Variants in NEK10 observed in about 807,000 individuals in gnomAD.
NEK10 encodes NIMA related kinase 10, also known as serine/threonine-protein kinase Nek10.
In NEK10, 122 loss-of-function variants were observed where a neutral mutation model predicts 159.8. The observed-to-expected ratio is 0.76, with a 90% CI of 0.66 to 0.89. The LOEUF (loss-of-function observed/expected upper bound fraction) is 0.89, where lower values mean the gene tolerates loss of function less well. Ranked by LOEUF, NEK10 falls within the 40% of genes least tolerant of loss-of-function variation. NEK10 has a pLI of 0.00. For synonymous variants in NEK10, 466 were observed against 457.1 expected (o/e 1.02, Z -0.25); for missense variants, 1,342 against 1,323.1 (o/e 1.01, Z -0.22).
chr3:27,185,259 T>C (rs1473455412), intron 26 of NEK10, among the ~76,000 whole-genome samples: 1 of 152,216 alleles, frequency 6.6e-6, no homozygotes, highest in African/African-American at 2.4e-5. Context: ...CAAATTATCA[T>C]AGGAATCTTT....
intron 31 of NEK10, among the ~76,000 whole-genome samples, chr3:27,133,444 A>G (rs2125529717): frequency 6.6e-6 from 1 of 152,358 alleles, no homozygotes; most frequent in South Asian, 2.1e-4. Context: ...GTAATTATAT[A>G]AAACAGGAAA....
intron 22 of NEK10, among the ~76,000 whole-genome samples, chr3:27,263,967 T>A (rs967544154): frequency 1.3e-5 from 2 of 152,190 alleles, no homozygotes; most frequent in African/African-American, 4.8e-5. Context: ...ATGTATTATA[T>A]ATAAATACAT....
chr3:27,304,994 G>C (rs373938909), intron 11 of NEK10, 23 bp from the exon 12 acceptor site: 4 of 1,447,140 alleles, frequency 2.8e-6, no homozygotes, highest in Non-Finnish European at 3.9e-6. Context: ...CAGAGGGTGG[G>C]GTGAGAATCA....
At chr3:27,326,480 C>A (rs1365650525) in intron 5 of NEK10, among the ~76,000 whole-genome samples, 2 of 152,188 alleles carry the variant, frequency 1.3e-5, no homozygotes, top group Non-Finnish European at 2.9e-5. Context: ...CATATACAAT[C>A]ATCATGAGGA....
At chr3:27,174,263 C>T in intron 28 of NEK10, 176 bp downstream of exon 28, 1 of 422,252 alleles carries the variant, frequency 2.4e-6, no homozygotes, top group Non-Finnish European at 3.2e-6. Flanking sequence ...AACCACTGTG[C>T]TGGCTAACCT....
At position 27,346,217 on chromosome 3, in the gene NEK10, C is replaced by T; in HGVS notation, c.133-1G>A. ...CACTATCGAAGTTAATGGCTGGAAGCTACAGAAATAGAAGCATAGAGTACA... is the reference window on the plus strand; with the variant it reads ...CACTATCGAAGTTAATGGCTGGAAGTTACAGAAATAGAAGCATAGAGTACA... On this transcript the variant is annotated splice_acceptor_variant, in intron 3 of 35. Transcript: ENST00000691995. LOFTEE classifies it high-confidence loss of function. 6.2e-7 allele frequency: 1 copy of T among 1,613,592 alleles called. No homozygotes were observed. Among genetic ancestry groups the T allele is most frequent in the Non-Finnish European group, 8.5e-7 (1 of 1,179,638 alleles).
In NEK10 at chr3:27,301,574, T is replaced by A. The variant is rs935528397; in HGVS notation, c.1168+122A>T. 8.4e-6 allele frequency: 6 copies of A among 716,606 alleles called. No individual in the cohort carries two copies. The Admixed American group carries it at 1.1e-4, about 13-fold the overall frequency. The allele number at this position is 716,606 out of a possible 1,614,324, so 44.4% of individuals were successfully genotyped here. A position where few individuals can be genotyped will look rare whatever the true frequency, so the allele number is the denominator to read the frequency against. ...GAAGTTTCTGGCATCCATGTGGATT[T>A]CACTTTACATTTTTGTAAACTTCTA... On this transcript the variant is annotated intron_variant, in intron 13 of 35. Coordinates refer to ENST00000691995, the MANE Select transcript of NEK10 (RefSeq NM_001394966.1).
chr3:27,338,903 A>T (rs1045432085), intron 5 of NEK10, among the ~76,000 whole-genome samples: 1 of 152,130 alleles, frequency 6.6e-6, no homozygotes, highest in African/African-American at 2.4e-5. Flanking sequence ...TATGGCTAAG[A>T]CCTCAAAAGC....
chr3:27,195,339 G>C (rs2148998869), intron 25 of NEK10, among the ~76,000 whole-genome samples: 1 of 152,202 alleles, frequency 6.6e-6, no homozygotes, highest in South Asian at 2.1e-4. Flanking sequence ...ATTTGAGTTT[G>C]TTCCCTAATT....
intron 35 of NEK10, 98 bp downstream of exon 35, chr3:27,115,842 A>G: frequency 1.1e-6 from 1 of 870,570 alleles, no homozygotes; most frequent in Non-Finnish European, 1.8e-6. Context: ...ATAAAATCTG[A>G]AAAAAAATCC....
intron 19 of NEK10, among the ~76,000 whole-genome samples, chr3:27,290,073 C>A (rs949745993): frequency 6.6e-6 from 1 of 152,212 alleles, no homozygotes; most frequent in Non-Finnish European, 1.5e-5. Flanking sequence ...AATTCCATTT[C>A]TCTTTGAAAT....
At chr3:27,287,567 A>C (rs1039092476) in intron 20 of NEK10, 131 bp downstream of exon 20, 5 of 878,218 alleles carry the variant, frequency 5.7e-6, no homozygotes, top group Non-Finnish European at 8.3e-6. Flanking sequence ...GCTTAAGACC[A>C]TCTACTGTCA....
intron 22 of NEK10, among the ~76,000 whole-genome samples, chr3:27,258,329 C>T (rs1956432726): frequency 6.6e-6 from 1 of 151,680 alleles, no homozygotes; most frequent in South Asian, 2.1e-4. Flanking sequence ...AGTAACTCGT[C>T]ATTTAACATT....
intron 20 of NEK10, 112 bp from the exon 21 acceptor site, chr3:27,285,073 A>G: frequency 1.3e-6 from 1 of 756,560 alleles, no homozygotes; most frequent in Non-Finnish European, 2.1e-6. Context: ...CACTAACACT[A>G]AAGAATTAGG....
In NEK10 at chr3:27,344,353, T is replaced by A; in HGVS notation, c.281A>T (p.Glu94Val). ...LENFSINYKNERNFSKHPQRK... is the reference protein window; with the variant it reads ...LENFSINYKNVRNFSKHPQRK... ...CTGAGGATGTTTGCTGAAATTTCTC[T>A]CATTCTTGTAGTTTATACTGAGACA... The change falls in exon 5 of 36, where the codon GAG (glutamate) becomes GTG (valine). Residue 94 changes from glutamate (E) to valine (V), a missense_variant. Glu to Val is a moderately radical substitution (Grantham distance 121, BLOSUM62 -2). Coordinates refer to ENST00000691995, the MANE Select transcript of NEK10 (RefSeq NM_001394966.1). 6.3e-7 allele frequency: 1 copy of A among 1,576,268 alleles called. No individual in the cohort carries two copies. Among genetic ancestry groups the A allele is most frequent in the Non-Finnish European group, 8.7e-7 (1 of 1,151,008 alleles).
intron 30 of NEK10, among the ~76,000 whole-genome samples, chr3:27,146,519 A>G (rs1944313325): frequency 6.6e-6 from 1 of 152,234 alleles, no homozygotes; most frequent in African/African-American, 2.4e-5. Context: ...GAGCTTCTCT[A>G]TATTGGACCA....
At chr3:27,230,564 A>G (rs1186235435) in intron 23 of NEK10, among the ~76,000 whole-genome samples, 1 of 152,014 alleles carries the variant, frequency 6.6e-6, no homozygotes, top group Non-Finnish European at 1.5e-5. Flanking sequence ...CCACTTAAAA[A>G]ATACGGAATA....
chr3:27,178,173 C>T (rs1040567094), intron 26 of NEK10, among the ~76,000 whole-genome samples: 5 of 152,128 alleles, frequency 3.3e-5, no homozygotes, highest in Non-Finnish European at 5.9e-5. Context: ...CGGTTTTGCG[C>T]ATTATAATGT....
chr3:27,191,246 C>A (rs62255252), intron 26 of NEK10, among the ~76,000 whole-genome samples: 4 of 151,782 alleles, frequency 2.6e-5, no homozygotes, highest in South Asian at 4.1e-4. Flanking sequence ...GACCAGGTAC[C>A]CTAAGAAAGA....
Sources: gnomAD v4.1 joint callset for allele counts (sites outside exome capture counted in the v4.1 genomes callset) on GRCh38, gnomAD v4.1.1 for gene constraint, MANE v1.5 for transcripts, NCBI Gene and HGNC (gene_info 2026-07-23, HGNC 2026-07-21) for gene names.